Variants in GRIN1 observed in about 807,000 individuals in gnomAD.
GRIN1 encodes glutamate ionotropic receptor NMDA type subunit 1, also known as glutamate receptor ionotropic, NMDA 1.
In GRIN1, 38 loss-of-function variants were observed where a neutral mutation model predicts 103.0. The ratio of observed to expected loss-of-function variants is 0.37; its 90% CI spans 0.28 to 0.48. The LOEUF is 0.48. Ranked by LOEUF, GRIN1 falls within the 20% of genes least tolerant of loss-of-function variation. The pLI is 0.98. For missense variants in GRIN1, 577 were observed against 1,288.9 expected, an observed-to-expected ratio of 0.45 and a Z score of 8.46; for synonymous variants, 544 against 532.7, an observed-to-expected ratio of 1.02 and a Z score of -0.29.
intron 3 of GRIN1, among the ~76,000 whole-genome samples, chr9:137,148,673 G>A (rs1004773892): frequency 6.6e-6 from 1 of 152,176 alleles, no homozygotes; most frequent in African/African-American, 2.4e-5. Context: ...TTTCCCGTCC[G>A]CTGCACGCCT....
intron 8 of GRIN1, among the ~76,000 whole-genome samples, 159 bp from the exon 9 acceptor site, chr9:137,160,897 C>T (rs560024708): frequency 2.6e-5 from 4 of 152,284 alleles, no homozygotes; most frequent in African/African-American, 9.6e-5. Flanking sequence ...CGTGAAGAAG[C>T]TCCAGAGAGG....
At chr9:137,165,454 T>G (rs1588740181) in intron 19 of GRIN1, 158 bp downstream of exon 19, 1 of 673,610 alleles carries the variant, frequency 1.5e-6, no homozygotes, top group Non-Finnish European at 2.7e-6. Flanking sequence ...CCCATGCTGC[T>G]CTCTCTCACT....
At chr9:137,162,330 G>T in intron 12 of GRIN1, 40 bp downstream of exon 12, 7 of 1,549,482 alleles carry the variant, frequency 4.5e-6, no homozygotes, top group Non-Finnish European at 6.1e-6. Flanking sequence ...CATCTGCGGG[G>T]CGCGGAGCCG....
At position 137,167,455 on chromosome 9, in the gene GRIN1, A is replaced by G; in HGVS notation, c.2745A>G (p.Thr915=). ...GRGALQNQKD[T]VLPRRAIERE... is the part of the protein sequence containing the mutation. ...GCGCTTTGCAAAACCAAAAAGACACAGTGCTGCCGCGACGCGCTATTGAGA... is the reference window on the plus strand; with the variant it reads ...GCGCTTTGCAAAACCAAAAAGACACGGTGCTGCCGCGACGCGCTATTGAGA... The change falls in exon 20 of 20, where the codon ACA becomes ACG. Residue 915 remains threonine, a synonymous_variant. Coordinates refer to ENST00000371561, the MANE Select transcript of GRIN1 (RefSeq NM_007327.4). The G allele has an allele frequency of 6.4e-7, 1 of 1,560,076 alleles. No individual in the cohort carries two copies. Among genetic ancestry groups the G allele is most frequent in the South Asian group, 1.2e-5 (1 of 84,758 alleles).
At chr9:137,149,748 C>G (rs977401071) in intron 4 of GRIN1, among the ~76,000 whole-genome samples, 4 of 152,194 alleles carry the variant, frequency 2.6e-5, no homozygotes, top group African/African-American at 7.2e-5. Context: ...TGGGGAAGGG[C>G]AGGGTGAGGA....
chr9:137,160,550 C>T (rs1833476247), intron 8 of GRIN1, among the ~76,000 whole-genome samples: 1 of 152,204 alleles, frequency 6.6e-6, no homozygotes, highest in Admixed American at 6.5e-5. Flanking sequence ...CTGCCTCAGC[C>T]TCCTGAGTAG....
chr9:137,165,792 G>A (rs756278190), intron 19 of GRIN1, among the ~76,000 whole-genome samples: 1 of 152,150 alleles, frequency 6.6e-6, no homozygotes, highest in East Asian at 1.9e-4. Context: ...GTCCCATCCC[G>A]TCCGTCTGTC....
At chr9:137,162,123 G>A in intron 11 of GRIN1, 35 bp downstream of exon 11, 1 of 1,531,276 alleles carries the variant, frequency 6.5e-7, no homozygotes, top group South Asian at 1.2e-5. Flanking sequence ...TGGCGGCGGG[G>A]GGAGTCCCTG....
At chr9:137,150,111 G>A (rs929695899) in intron 4 of GRIN1, among the ~76,000 whole-genome samples, 7 of 152,180 alleles carry the variant, frequency 4.6e-5, no homozygotes, top group African/African-American at 1.7e-4. Context: ...TCCTGCAGCT[G>A]CTATAAAAAG....
intron 4 of GRIN1, among the ~76,000 whole-genome samples, chr9:137,155,262 T>G (rs1833149666): frequency 1.3e-5 from 2 of 152,162 alleles, no homozygotes. Context: ...GGCACTTTGA[T>G]AGCGGGCATG....
At chr9:137,165,103 G>C in intron 18 of GRIN1, 83 bp from the exon 19 acceptor site, 3 of 994,650 alleles carry the variant, frequency 3.0e-6, no homozygotes, top group Non-Finnish European at 3.2e-6. Context: ...CGGCCAGGCT[G>C]GGCAGCGGCC....
rs1446331243 is a variant in GRIN1, at chr9:137,164,021, G to A, written c.2589+117G>A. On this transcript the variant is annotated intron_variant, in intron 18 of 19. Coordinates refer to ENST00000371561, the MANE Select transcript of GRIN1 (RefSeq NM_007327.4). The stretch of plus-strand genomic sequence containing the variant: ...CTCTGGTGGGCAGGACTGGAGCTAG[G>A]AGCCATGGCCAGGGGCAGTGGTGAG... 3 of 1,262,080 alleles carry A rather than the reference G, an allele frequency of 2.4e-6. 1 individual carries two copies. The highest frequency in any genetic ancestry group is 2.4e-5 in the South Asian group (2 of 82,030). 78.2% of individuals were successfully genotyped at this position (1,262,080 alleles called of 1,614,324 possible).
At position 137,146,567 on chromosome 9, in the gene GRIN1, A is replaced by C. The variant is rs566608920; in HGVS notation, c.570+665A>C. On this transcript the variant is annotated intron_variant, in intron 3 of 19. Coordinates refer to ENST00000371561, the MANE Select transcript of GRIN1 (RefSeq NM_007327.4). This position sits in a 1 kb window ranked among gnomAD's most constrained non-coding sequence, Gnocchi z 6.7. ...TGACCCCCAACACAGCCAGGCGTCC[A>C]CTCTGTGGGGCTGCAGAGAGATCAG... 6.6e-6 allele frequency among the ~76,000 whole-genome samples: 1 copy of C among 151,876 alleles called. No individual in the cohort carries two copies. The highest frequency in any genetic ancestry group is 1.5e-5 in the Non-Finnish European group (1 of 67,912).
rs774581638 is a variant in GRIN1, at chr9:137,162,431, CG to C, written c.1780del (p.Glu594ArgfsTer8). 2 of 1,607,888 alleles carry C rather than the reference CG, an allele frequency of 1.2e-6. No homozygotes were observed. Among genetic ancestry groups the C allele is most frequent in the Non-Finnish European group, 1.7e-6 (2 of 1,178,900 alleles). ...CCTTCGGCCGGTTCAAGGTGAACAG[CG>C]AGGAGGAGGAGGAGGACGCACTGAC... ...SPFGRFKVNSEEEEEDALTLS... is the reference protein window; with the variant it reads ...SPFGRFKVNSXEEEEDALTLS... On this transcript the variant is annotated frameshift_variant, in exon 13 of 20. Transcript: ENST00000371561. LOFTEE classifies it high-confidence loss of function.
intron 8 of GRIN1, among the ~76,000 whole-genome samples, chr9:137,160,825 C>CG (rs969828124): frequency 4.3e-4 from 65 of 152,198 alleles, no homozygotes; most frequent in African/African-American, 1.5e-3. Context: ...CCCACCCCCC[C>CG]GGGGCTGCAG....
intron 4 of GRIN1, among the ~76,000 whole-genome samples, chr9:137,155,536 A>G (rs1833165913): frequency 6.6e-6 from 1 of 152,190 alleles, no homozygotes; most frequent in African/African-American, 2.4e-5. Flanking sequence ...CCAGTCAAGT[A>G]TTGTGAAAAT....
intron 16 of GRIN1, 46 bp from the exon 17 acceptor site, chr9:137,163,513 G>T (rs1473966432): frequency 1.1e-6 from 1 of 890,456 alleles, no homozygotes; most frequent in Non-Finnish European, 1.8e-6. Context: ...GCTCCTTCCC[G>T]TCCTGGGCCC....
chr9:137,165,545 G>A (rs1394587301), intron 19 of GRIN1: 2 of 542,868 alleles, frequency 3.7e-6, no homozygotes, highest in African/African-American at 1.9e-5. Flanking sequence ...CACCTCCCCT[G>A]CCATGACCCA....
rs202158789 is a variant in GRIN1, at chr9:137,162,783, G to A, written c.2013+44G>A. ...GGGGGAGGGAATGCGAGGTGAGCTG[G>A]GGTCGGCCTCGGTTAGGGGCCTGGG... On this transcript the variant is annotated intron_variant, in intron 14 of 19. Coordinates refer to ENST00000371561, the MANE Select transcript of GRIN1 (RefSeq NM_007327.4). The A allele has an allele frequency of 4.3e-4, 690 of 1,602,544 alleles. No individual in the cohort carries two copies. The Middle Eastern group carries it at 5.0e-3, about 12-fold the overall frequency.
Sources: allele counts gnomAD v4.1 joint callset (sites outside exome capture counted in the v4.1 genomes callset), GRCh38; gene constraint gnomAD v4.1.1; non-coding constraint Gnocchi (gnomAD v3.1); transcripts MANE v1.5; gene names NCBI Gene and HGNC (gene_info 2026-07-23, HGNC 2026-07-21).